Variants in RASGRF2 observed in about 807,000 individuals in gnomAD.
RASGRF2 encodes ras-specific guanine nucleotide-releasing factor 2.
In RASGRF2, 76 loss-of-function variants were observed where a neutral mutation model predicts 151.0. That is an observed-to-expected ratio of 0.50 (90% CI 0.42 to 0.61). The LOEUF (loss-of-function observed/expected upper bound fraction) is 0.61, where lower values mean the gene tolerates loss of function less well. Among genes scored for constraint, RASGRF2 ranks in the 20% least tolerant of loss-of-function variants. RASGRF2 has a pLI of 0.00. For missense variants in RASGRF2, 1,148 were observed against 1,564.6 expected, an observed-to-expected ratio of 0.73 and a Z score of 4.49; for synonymous variants, 504 against 566.5, an observed-to-expected ratio of 0.89 and a Z score of 1.57.
At chr5:81,120,489 G>A (rs1753276507) in intron 15 of RASGRF2, among the ~76,000 whole-genome samples, 1 of 152,104 alleles carries the variant, frequency 6.6e-6, no homozygotes, top group Non-Finnish European at 1.5e-5. Context: ...AGGCTGAAGC[G>A]GGAGGATCAC....
chr5:81,196,269 T>C (rs1051525202), intron 18 of RASGRF2, among the ~76,000 whole-genome samples: 2 of 151,954 alleles, frequency 1.3e-5, no homozygotes, highest in African/African-American at 4.8e-5. Flanking sequence ...AACAAACAAA[T>C]AACAACAAAA....
chr5:81,095,735 T>A (rs1168170903), intron 12 of RASGRF2, among the ~76,000 whole-genome samples: 3 of 152,320 alleles, frequency 2.0e-5, no homozygotes, highest in East Asian at 3.9e-4. Flanking sequence ...AAGGTATATA[T>A]TGTAGTTTTC....
intron 3 of RASGRF2, among the ~76,000 whole-genome samples, chr5:81,069,532 T>A (rs989251215): frequency 2.0e-5 from 3 of 152,208 alleles, no homozygotes; most frequent in Non-Finnish European, 4.4e-5. Context: ...TCCTCAATAT[T>A]TGTGTGTGTT....
chr5:81,065,933 A>T (rs1561588047), intron 2 of RASGRF2, among the ~76,000 whole-genome samples: 1 of 152,164 alleles, frequency 6.6e-6, no homozygotes, highest in Non-Finnish European at 1.5e-5. Flanking sequence ...TTGGAAGCGC[A>T]GGGAGGGGGA....
At chr5:81,174,009 A>C (rs1375654559) in intron 17 of RASGRF2, among the ~76,000 whole-genome samples, 2 of 152,244 alleles carry the variant, frequency 1.3e-5, no homozygotes, top group African/African-American at 4.8e-5. Flanking sequence ...GAAAGGAAGA[A>C]TATCTCGGAG....
Position 81,123,746 on chromosome 5 carries a change from C to T in RASGRF2, c.2575C>T (p.Leu859Phe), listed in dbSNP as rs149566001. Residue 859 changes from leucine to phenylalanine, a missense_variant, in exon 16 of 27, where the codon CTC (leucine) becomes TTC (phenylalanine). Around this residue, in one of 5 missense-constraint regions of RASGRF2, gnomAD observed 646 missense variants for 807.4 expected, o/e 0.80. Coordinates refer to ENST00000265080, the MANE Select transcript of RASGRF2 (RefSeq NM_006909.3). ...CAGATCCCCCTCAACTCCTCGGCAC[C>T]TCCGCTATCGACAGCCTGGAGGTAA... ...PCRSPSTPRH[L>F]RYRQPGGQTA... 7 of 1,613,890 alleles carry T rather than the reference C, an allele frequency of 4.3e-6. No homozygotes were observed. The highest frequency in any genetic ancestry group is 5.9e-6 in the Non-Finnish European group (7 of 1,179,886).
At chr5:80,967,453 A>T (rs866973671) in intron 1 of RASGRF2, among the ~76,000 whole-genome samples, 38 of 151,968 alleles carry the variant, frequency 2.5e-4, no homozygotes, top group African/African-American at 9.2e-4. Flanking sequence ...GTGCTTAATT[A>T]AAAAAAAATT....
intron 1 of RASGRF2, among the ~76,000 whole-genome samples, chr5:81,008,652 T>G (rs1270324342): frequency 1.3e-5 from 2 of 152,140 alleles, no homozygotes; most frequent in South Asian, 2.1e-4. Context: ...GATAAAATAA[T>G]GGATAAAATG....
At chr5:81,177,258 C>G (rs1315069260) in intron 17 of RASGRF2, among the ~76,000 whole-genome samples, 1 of 152,066 alleles carries the variant, frequency 6.6e-6, no homozygotes, top group Non-Finnish European at 1.5e-5. Flanking sequence ...TTTTTAATAA[C>G]AAAAGATTTT....
chr5:81,094,499 G>A (rs425847), intron 11 of RASGRF2, 137 bp downstream of exon 11: 175,338 of 801,540 alleles, frequency 0.22, 20,752 homozygotes, highest in Admixed American at 0.31. Context: ...CCATCTTTGG[G>A]AATTCACATT....
At chr5:81,212,682 A>T in intron 23 of RASGRF2, 119 bp downstream of exon 23, 1 of 983,630 alleles carries the variant, frequency 1.0e-6, no homozygotes, top group Non-Finnish European at 1.4e-6. Context: ...TCAGTTGCCA[A>T]AGAAAGGTGC....
At chr5:80,985,034 AC>A (rs201696854) in intron 1 of RASGRF2, among the ~76,000 whole-genome samples, 1 of 152,140 alleles carries the variant, frequency 6.6e-6, no homozygotes, top group African/African-American at 2.4e-5. Context: ...ACATAGTGAG[AC>A]CCCATCTCTA....
chr5:81,117,085 A>G (rs750500618), intron 15 of RASGRF2, among the ~76,000 whole-genome samples: 2 of 152,198 alleles, frequency 1.3e-5, no homozygotes, highest in Non-Finnish European at 2.9e-5. Context: ...TCGATCACCA[A>G]CTTCCCTAGT....
chr5:81,073,459 CA>C lies in RASGRF2; in HGVS notation c.887+8del. 3.7e-6 allele frequency: 6 copies of C among 1,611,420 alleles called. No homozygotes were observed. The highest frequency in any genetic ancestry group is 5.1e-6 in the Non-Finnish European group (6 of 1,178,716). ...GCAGTATTTTTCTTAACAGGTTTGA[CA>C]TTGCATAAATCAAAGAGTTATGAGA... On this transcript the variant is annotated splice_region_variant and intron_variant, in intron 5 of 26. Transcript: ENST00000265080.
Position 80,960,939 on chromosome 5 carries a change from C to A in RASGRF2, c.201C>A (p.Leu67=). 2 of 1,584,992 alleles carry A rather than the reference C, an allele frequency of 1.3e-6. No homozygotes were observed. Among genetic ancestry groups the A allele is most frequent in the Non-Finnish European group, 1.7e-6 (2 of 1,159,614 alleles). The part of the protein sequence containing the change: ...EQSCRPAGMY[L]LEGCSCERTP... ...GCTGCCGCCCGGCGGGCATGTACCT[C>A]CTGGAGGGCTGCAGCTGCGAACGAA... Residue 67 remains leucine, a synonymous_variant, in exon 1 of 27, where the codon CTC becomes CTA. Coordinates refer to ENST00000265080, the MANE Select transcript of RASGRF2 (RefSeq NM_006909.3). The surrounding 1 kb of genome is among the most constrained non-coding windows in gnomAD (Gnocchi z 5.5).
chr5:81,138,380 C>T (rs188656489), intron 17 of RASGRF2, among the ~76,000 whole-genome samples: 8 of 152,162 alleles, frequency 5.3e-5, no homozygotes, highest in East Asian at 1.9e-4. Context: ...AAGAAGAAGG[C>T]GAGAGGGGAC....
intron 19 of RASGRF2, among the ~76,000 whole-genome samples, chr5:81,203,132 G>A (rs1446593986): frequency 6.6e-6 from 1 of 152,178 alleles, no homozygotes; most frequent in Non-Finnish European, 1.5e-5. Context: ...ATATTGAGGT[G>A]AAGCCTGATT....
chr5:81,085,623 G>A (rs908323653), intron 7 of RASGRF2, among the ~76,000 whole-genome samples, 179 bp from the exon 8 acceptor site: 1 of 151,736 alleles, frequency 6.6e-6, no homozygotes, highest in African/African-American at 2.4e-5. Context: ...CTTTTTTTTG[G>A]TGTGCATGAA....
intron 17 of RASGRF2, among the ~76,000 whole-genome samples, chr5:81,176,445 T>C (rs567492948): frequency 1.6e-4 from 24 of 152,276 alleles, no homozygotes; most frequent in South Asian, 1.0e-3. Flanking sequence ...TGTATTAATA[T>C]CTCACATGTG....
Sources: allele counts gnomAD v4.1 joint callset (sites outside exome capture counted in the v4.1 genomes callset), GRCh38; gene constraint gnomAD v4.1.1; regional missense constraint gnomAD v4.1.1; non-coding constraint Gnocchi (gnomAD v3.1); transcripts MANE v1.5; gene names NCBI Gene and HGNC (gene_info 2026-07-23, HGNC 2026-07-21).